The following ZNF485 variants were observed in gnomAD, a reference collection of about 807,000 sequenced individuals.
ZNF485 encodes the protein zinc finger protein 485, also known as Zinc finger protein 93 (Zinc finger protein HTF34).
Under a neutral mutation model 10.8 loss-of-function variants are expected in ZNF485, and 9 were observed. That is an observed-to-expected ratio of 0.83 (90% CI 0.50 to 1.45). The LOEUF is 1.45. Among genes scored for constraint, ZNF485 ranks in the 40% most tolerant of loss-of-function variants. The pLI is 0.00. For missense variants in ZNF485, 487 were observed against 528.0 expected, an observed-to-expected ratio of 0.92 and a Z score of 0.76; for synonymous variants, 187 against 181.0, an observed-to-expected ratio of 1.03 and a Z score of -0.27.
chr10:43,611,928 A>C (rs1296010684), intron 4 of ZNF485, among the ~76,000 whole-genome samples: 2 of 152,082 alleles, frequency 1.3e-5, no homozygotes, highest in Non-Finnish European at 2.9e-5. Context: ...TTTTTTTAAA[A>C]GTTTGTTTTA....
rs1838718637 is a variant in ZNF485 at position 43,609,260 on chromosome 10, C to G, written c.157C>G (p.Leu53Val). The change falls in exon 4 of 5, where the codon CTC (leucine) becomes GTC (valine). Residue 53 changes from leucine to valine, a missense_variant. By Grantham distance (32) the Leu-to-Val change is conservative (BLOSUM62 1). Coordinates refer to ENST00000361807, the MANE Select transcript of ZNF485 (RefSeq NM_145312.4). ...TCCTTTTTCTTTATGAACAGGGCTT[C>G]TCTCTTCCAAACCAAAACTAATTAC... Reference protein sequence around the residue: ...NYGNLVSVGLLSSKPKLITQL... With the variant: ...NYGNLVSVGLVSSKPKLITQL... 1.9e-6 allele frequency: 3 copies of G among 1,612,994 alleles called. No homozygotes were observed. Among genetic ancestry groups the G allele is most frequent in the African/African-American group, 2.7e-5 (2 of 74,824 alleles).
chr10:43,614,479 T>G (rs138632968), intron 4 of ZNF485, among the ~76,000 whole-genome samples: 1 of 152,186 alleles, frequency 6.6e-6, no homozygotes, highest in Non-Finnish European at 1.5e-5. Context: ...TCTGTAGAGA[T>G]GGAGACTTGC....
rs1227548740 is a variant in ZNF485 at position 43,617,835 on chromosome 10, C to G, written c.*466C>G. ...ACCCAATATACCCTTGTTAAAGAAG[C>G]AAGTTTCAGGAAATCTATATTATAT... On this transcript the variant is annotated 3_prime_UTR_variant, in exon 5 of 5. Coordinates refer to ENST00000361807, the MANE Select transcript of ZNF485 (RefSeq NM_145312.4). 6.6e-6 allele frequency: 1 copy of G among 152,578 alleles called. No individual in the cohort carries two copies. The highest frequency in any genetic ancestry group is 1.5e-5 in the Non-Finnish European group (1 of 68,498). 9.5% of individuals were successfully genotyped at this position (152,578 alleles called of 1,614,324 possible).
Position 43,617,049 on chromosome 10 carries a change from A to C in ZNF485, c.1006A>C (p.Arg336=), listed in dbSNP as rs780507674. 1 of 1,614,230 alleles carries C rather than the reference A, an allele frequency of 6.2e-7. No individual in the cohort carries two copies. Among genetic ancestry groups the C allele is most frequent in the South Asian group, 1.1e-5 (1 of 91,088 alleles). Residue 336 remains arginine (R), a synonymous_variant, in exon 5 of 5, where the codon AGG becomes CGG. Coordinates refer to ENST00000361807, the MANE Select transcript of ZNF485 (RefSeq NM_145312.4). ...YHCSKCGKSF[R]YSSSFAGHQK... ...CTGCAGTAAATGTGGAAAATCTTTC[A>C]GGTATAGCTCATCCTTTGCTGGTCA...
In ZNF485 at chr10:43,617,452, C is replaced by CAGAGTATT; in HGVS notation, c.*83_*84insAGAGTATT. ...ATAAATTATGCATTTAACAGAAATA[C>CAGAGTATT]TCTGTACTTCTGAGAGAACACATCA... is the stretch of plus-strand genomic sequence containing the variant. On this transcript the variant is annotated 3_prime_UTR_variant, in exon 5 of 5. Transcript: ENST00000361807. 6 of 991,544 alleles carry CAGAGTATT rather than the reference C, an allele frequency of 6.1e-6. No homozygotes were observed. Among genetic ancestry groups the CAGAGTATT allele is most frequent in the Non-Finnish European group, 8.9e-6 (6 of 674,790 alleles). 61.4% of individuals were successfully genotyped at this position (991,544 alleles called of 1,614,324 possible). A position where few individuals can be genotyped will look rare whatever the true frequency, so the allele number is the denominator to read the frequency against.
chr10:43,610,222 A>G (rs116731158), intron 4 of ZNF485, among the ~76,000 whole-genome samples: 2 of 151,952 alleles, frequency 1.3e-5, no homozygotes, highest in African/African-American at 4.8e-5. Flanking sequence ...TTTTCTGTGT[A>G]TACTTTGTAT....
In ZNF485 at chr10:43,616,561, T is replaced by G. The variant is rs1838861791; in HGVS notation, c.518T>G (p.Leu173Arg). ...CGIAFMNSSS[L>R]LNHHKVHAGK... ...ATCGCCTTTATGAACAGTTCATCCC[T>G]TTTAAATCACCATAAGGTTCATGCA... Residue 173 changes from leucine (L) to arginine (R), a missense_variant, in exon 5 of 5, where the codon CTT (leucine) becomes CGT (arginine). Coordinates refer to ENST00000361807, the MANE Select transcript of ZNF485 (RefSeq NM_145312.4). 1 of 1,614,106 alleles carries G rather than the reference T, an allele frequency of 6.2e-7. No homozygotes were observed. Among genetic ancestry groups the G allele is most frequent in the African/African-American group, 1.3e-5 (1 of 74,936 alleles).
rs912501019 is a variant in ZNF485 at position 43,617,076 on chromosome 10, C to G, written c.1033C>G (p.Gln345Glu). 3 of 1,614,166 alleles carry G rather than the reference C, an allele frequency of 1.9e-6. No individual in the cohort carries two copies. The highest frequency in any genetic ancestry group is 2.5e-6 in the Non-Finnish European group (3 of 1,180,020). Residue 345 changes from glutamine to glutamate, a missense_variant, in exon 5 of 5, where the codon CAG (glutamine) becomes GAG (glutamate). By Grantham distance (29) the Gln-to-Glu change is conservative. Coordinates refer to ENST00000361807, the MANE Select transcript of ZNF485 (RefSeq NM_145312.4). ...GTATAGCTCATCCTTTGCTGGTCAT[C>G]AGAAAACTCACAGTGGAAATAAACC... ...FRYSSSFAGHQKTHSGNKPYQ... is the reference protein window; with the variant it reads ...FRYSSSFAGHEKTHSGNKPYQ...
Position 43,616,731 on chromosome 10 carries a change from T to C in ZNF485, c.688T>C (p.Leu230=). 6.2e-7 allele frequency: 1 copy of C among 1,614,060 alleles called. No homozygotes were observed. Among genetic ancestry groups the C allele is most frequent in the African/African-American group, 1.3e-5 (1 of 75,060 alleles). The change falls in exon 5 of 5, where the codon TTA becomes CTA. Residue 230 remains leucine, a synonymous_variant. Transcript: ENST00000361807. The part of the protein sequence containing the change: ...GKTFRKNSIL[L]SHQRIHTGQK... Reference sequence around the variant, plus strand: ...AACTTTCAGAAAGAACTCAATCCTTTTAAGTCATCAGAGAATTCATACTGG... The same window carrying C: ...AACTTTCAGAAAGAACTCAATCCTTCTAAGTCATCAGAGAATTCATACTGG...
chr10:43,608,259 C>T (rs967205710), intron 2 of ZNF485, among the ~76,000 whole-genome samples: 1 of 152,206 alleles, frequency 6.6e-6, no homozygotes, highest in Non-Finnish European at 1.5e-5. Context: ...AGGATGCTGA[C>T]AGTCAGTGCA....
At chr10:43,611,905 A>G (rs574865923) in intron 4 of ZNF485, among the ~76,000 whole-genome samples, 7 of 152,256 alleles carry the variant, frequency 4.6e-5, no homozygotes, top group Middle Eastern at 3.4e-3. Flanking sequence ...TGTATATCAT[A>G]TATATCACAG....
At chr10:43,607,208 T>A in intron 2 of ZNF485, 134 bp downstream of exon 2, 1 of 1,007,738 alleles carries the variant, frequency 9.9e-7, no homozygotes, top group Non-Finnish European at 1.5e-6. Context: ...GTCCCGCGAT[T>A]TCCGTCCTGT....
At position 43,608,619 on chromosome 10, in the gene ZNF485, G is replaced by A. The variant is rs200519312; in HGVS notation, c.30G>A (p.Pro10=). 2.8e-4 allele frequency: 455 copies of A among 1,613,160 alleles called. 6 individuals carry two copies. The Middle Eastern group carries it at 4.3e-3, about 15-fold the overall frequency. The change falls in exon 3 of 5, where the codon CCG becomes CCA. Residue 10 remains proline (P), a synonymous_variant. Transcript: ENST00000361807. ...AATTGGGTTTGGTTTTGCAGGGACC[G>A]CTGACATTTGGGGATGTGGCTGTGG... MAPRAQIQG[P]LTFGDVAVAF... is the part of the protein sequence containing the mutation.
chr10:43,615,312 T>C (rs958279670), intron 4 of ZNF485, among the ~76,000 whole-genome samples: 2 of 144,864 alleles, frequency 1.4e-5, no homozygotes, highest in Non-Finnish European at 3.0e-5. Flanking sequence ...CGTTTTTGTC[T>C]GAATCATTTC....
At chr10:43,608,029 T>C (rs925665400) in intron 2 of ZNF485, among the ~76,000 whole-genome samples, 16 of 152,234 alleles carry the variant, frequency 1.1e-4, no homozygotes, top group African/African-American at 3.9e-4. Context: ...GTTGTTACTC[T>C]TATGAAAAGC....
rs1358940026 is a variant in ZNF485 at position 43,606,439 on chromosome 10, T to A, written c.-162T>A. ...GCTTCCGGTCCAGCCTGTCTCCGCG[T>A]GGTGCGAGCGCTGCACCAGCCCCTG... On this transcript the variant is annotated 5_prime_UTR_variant, in exon 1 of 5. Transcript: ENST00000361807. The A allele has an allele frequency of 2.3e-6, 1 of 428,374 alleles. No homozygotes were observed. The highest frequency in any genetic ancestry group is 4.3e-6 in the Non-Finnish European group (1 of 230,016). The allele number at this position is 428,374 out of a possible 1,614,324, so 26.5% of individuals were successfully genotyped here. A position where few individuals can be genotyped will look rare whatever the true frequency, so the allele number is the denominator to read the frequency against.
chr10:43,616,215 A>T, intron 4 of ZNF485, 76 bp from the exon 5 acceptor site: 1 of 1,200,942 alleles, frequency 8.3e-7, no homozygotes. Context: ...ATAGAACATT[A>T]TTCAAGTCCT....
chr10:43,614,411 GTAGCTGGGACTACAGACA>G (rs959097005), intron 4 of ZNF485, among the ~76,000 whole-genome samples: 1 of 152,040 alleles, frequency 6.6e-6, no homozygotes, highest in Admixed American at 6.6e-5. Flanking sequence ...AGCTTCCTGA[GTAGCTGGGACTACAGACA>G]CATGCCACCA....
rs1220182104 is a variant in ZNF485, at chr10:43,617,050, G to T, written c.1007G>T (p.Arg336Met). ...TGCAGTAAATGTGGAAAATCTTTCAGGTATAGCTCATCCTTTGCTGGTCAT... is the reference window on the plus strand; with the variant it reads ...TGCAGTAAATGTGGAAAATCTTTCATGTATAGCTCATCCTTTGCTGGTCAT... Reference protein sequence around the residue: ...YHCSKCGKSFRYSSSFAGHQK... With the variant: ...YHCSKCGKSFMYSSSFAGHQK... The change falls in exon 5 of 5, where the codon AGG becomes ATG. Residue 336 changes from arginine (R) to methionine (M), a missense_variant. Physicochemically the swap from Arg to Met is moderately conservative, Grantham distance 91. Coordinates refer to ENST00000361807, the MANE Select transcript of ZNF485 (RefSeq NM_145312.4). The T allele has an allele frequency of 2.5e-6, 4 of 1,614,066 alleles. No individual in the cohort carries two copies. Among genetic ancestry groups the T allele is most frequent in the Admixed American group, 3.3e-5 (2 of 60,006 alleles).
Sources: gnomAD v4.1 joint callset for allele counts (sites outside exome capture counted in the v4.1 genomes callset) on GRCh38, gnomAD v4.1.1 for gene constraint, MANE v1.5 for transcripts, NCBI Gene and HGNC (gene_info 2026-07-23, HGNC 2026-07-21) for gene names.